The following PLCXD3 variants were observed in gnomAD, a reference collection of about 807,000 sequenced individuals.
PLCXD3 encodes the protein phosphatidylinositol specific phospholipase C X domain containing 3.
A neutral mutation model predicts 25.5 loss-of-function variants in PLCXD3; 19 were observed. That is an observed-to-expected ratio of 0.75 (90% CI 0.52 to 1.09). PLCXD3 has a LOEUF of 1.09. Ranked by LOEUF, PLCXD3 falls within the 50% of genes least tolerant of loss-of-function variation. PLCXD3 has a pLI of 0.00. For missense variants in PLCXD3, 411 were observed against 388.1 expected (o/e 1.06, Z -0.50); for synonymous variants, 174 against 137.6 (o/e 1.26, Z -1.85).
At chr5:41,318,027 T>G (rs925149318) in intron 2 of PLCXD3, among the ~76,000 whole-genome samples, 7 of 151,942 alleles carry the variant, frequency 4.6e-5, no homozygotes, top group African/African-American at 1.4e-4. Context: ...CAGGAGAGCA[T>G]GACATGACAT....
chr5:41,350,895 A>AGCTT (rs1463833783), intron 2 of PLCXD3, among the ~76,000 whole-genome samples: 2 of 152,152 alleles, frequency 1.3e-5, no homozygotes, highest in Non-Finnish European at 2.9e-5. Context: ...TGGTAACATA[A>AGCTT]GCTTATTTTG....
At chr5:41,473,447 A>AATT (rs1748209618) in intron 1 of PLCXD3, among the ~76,000 whole-genome samples, 2 of 151,420 alleles carry the variant, frequency 1.3e-5, no homozygotes, top group East Asian at 3.9e-4. Flanking sequence ...TTACTTTTTT[A>AATT]ATTAATTAAT....
chr5:41,488,539 C>T (rs1432002951), intron 1 of PLCXD3, among the ~76,000 whole-genome samples: 2 of 137,404 alleles, frequency 1.5e-5, no homozygotes, highest in Admixed American at 7.1e-5. Context: ...GTTTACAGTC[C>T]CACCAACAGT....
intron 1 of PLCXD3, among the ~76,000 whole-genome samples, chr5:41,468,009 CTTTTTTTTTTTTTTTT>C (rs145732089): frequency 1.3e-4 from 7 of 52,428 alleles, no homozygotes; most frequent in Admixed American, 6.2e-4. Flanking sequence ...CAGCTTTATT[CTTTTTTTTTTTTTTTT>C]TTTTTTTTTT....
chr5:41,498,499 A>G (rs1748887852), intron 1 of PLCXD3, among the ~76,000 whole-genome samples: 2 of 151,758 alleles, frequency 1.3e-5, no homozygotes, highest in Non-Finnish European at 3.0e-5. Context: ...CAACCCTATA[A>G]TAGTAAGGAG....
chr5:41,371,242 A>G (rs899627067), intron 2 of PLCXD3, among the ~76,000 whole-genome samples: 7 of 152,206 alleles, frequency 4.6e-5, no homozygotes, highest in African/African-American at 1.4e-4. Flanking sequence ...CCAAATGGCA[A>G]TAAGTGATAT....
At chr5:41,396,839 G>A (rs79103145) in intron 1 of PLCXD3, among the ~76,000 whole-genome samples, 6,601 of 152,294 alleles carry the variant, frequency 0.043, 187 homozygotes, top group Non-Finnish European at 0.061. Context: ...TTGTGCTCCT[G>A]CTCTAGAGAT....
intron 1 of PLCXD3, among the ~76,000 whole-genome samples, chr5:41,442,171 C>G (rs1747398886): frequency 6.6e-6 from 1 of 152,204 alleles, no homozygotes; most frequent in Non-Finnish European, 1.5e-5. Context: ...AGTAAGCCCT[C>G]TCTATGCCAT....
intron 1 of PLCXD3, among the ~76,000 whole-genome samples, chr5:41,437,878 G>A (rs964241919): frequency 4.6e-5 from 7 of 152,196 alleles, no homozygotes; most frequent in Admixed American, 2.6e-4. Flanking sequence ...GCTAACTACT[G>A]TCCATCAACA....
intron 2 of PLCXD3, among the ~76,000 whole-genome samples, chr5:41,352,246 TA>T (rs1744483868): frequency 6.6e-6 from 1 of 152,196 alleles, no homozygotes. Context: ...TAAGACCCAT[TA>T]AACACTTTGT....
intron 1 of PLCXD3, among the ~76,000 whole-genome samples, chr5:41,399,124 G>A (rs950924310): frequency 1.3e-5 from 2 of 151,908 alleles, no homozygotes; most frequent in Non-Finnish European, 2.9e-5. Flanking sequence ...TAAATACCTA[G>A]GAATTAGCTT....
intron 1 of PLCXD3, among the ~76,000 whole-genome samples, chr5:41,401,079 A>T (rs1746172340): frequency 6.6e-6 from 1 of 151,956 alleles, no homozygotes; most frequent in South Asian, 2.1e-4. Context: ...TCTTTAACTC[A>T]TTTTAAAACT....
intron 1 of PLCXD3, among the ~76,000 whole-genome samples, chr5:41,492,090 G>A (rs1748711986): frequency 6.6e-6 from 1 of 152,156 alleles, no homozygotes; most frequent in South Asian, 2.1e-4. Flanking sequence ...TCCTTTCCAT[G>A]TTTAGTGCTT....
Position 41,382,322 on chromosome 5 carries a change from G to T in PLCXD3, c.316C>A (p.Pro106Thr), listed in dbSNP as rs781166284. The T allele has an allele frequency of 6.2e-7, 1 of 1,613,446 alleles. No homozygotes were observed. Among genetic ancestry groups the T allele is most frequent in the South Asian group, 1.1e-5 (1 of 91,044 alleles). ...DLRISTKPRDPDNELYFAHGL... is the reference protein window; with the variant it reads ...DLRISTKPRDTDNELYFAHGL... ...TGAGCAAAATAGAGTTCATTGTCGG[G>T]GTCTCTGGGCTTGGTGGAAATTCGA... is the stretch of plus-strand genomic sequence containing the variant. The change falls in exon 2 of 3, where the codon CCC (proline) becomes ACC (threonine). Residue 106 changes from proline (P) to threonine (T), a missense_variant. Transcript: ENST00000377801.
intron 1 of PLCXD3, among the ~76,000 whole-genome samples, chr5:41,455,684 C>T (rs1210319483): frequency 6.6e-6 from 1 of 151,912 alleles, no homozygotes; most frequent in African/African-American, 2.4e-5. Context: ...AAGGGCAATC[C>T]TACCATGTGA....
At chr5:41,468,222 T>G (rs1748070628) in intron 1 of PLCXD3, among the ~76,000 whole-genome samples, 1 of 152,016 alleles carries the variant, frequency 6.6e-6, no homozygotes, top group African/African-American at 2.4e-5. Flanking sequence ...TTTACTATGT[T>G]GGCTAGGTTA....
At chr5:41,485,852 T>C (rs554770417) in intron 1 of PLCXD3, among the ~76,000 whole-genome samples, 1 of 152,240 alleles carries the variant, frequency 6.6e-6, no homozygotes. Flanking sequence ...AGGTTTCTAC[T>C]GACCTGCTCT....
At chr5:41,379,883 A>G (rs540507389) in intron 2 of PLCXD3, among the ~76,000 whole-genome samples, 4 of 152,250 alleles carry the variant, frequency 2.6e-5, no homozygotes, top group African/African-American at 9.6e-5. Flanking sequence ...AGAAATGTAG[A>G]CATTAGCAGA....
intron 2 of PLCXD3, among the ~76,000 whole-genome samples, chr5:41,333,292 A>C (rs1036472605): frequency 6.6e-6 from 1 of 152,134 alleles, no homozygotes; most frequent in Non-Finnish European, 1.5e-5. Flanking sequence ...ATTAAAGTCA[A>C]CTGTGACAGA....
Sources: allele counts gnomAD v4.1 joint callset (sites outside exome capture counted in the v4.1 genomes callset), GRCh38; gene constraint gnomAD v4.1.1; transcripts MANE v1.5; gene names NCBI Gene and HGNC (gene_info 2026-07-23, HGNC 2026-07-21).